Variants in MLLT3 observed in about 807,000 individuals in gnomAD.
The protein encoded by MLLT3 is MLLT3 super elongation complex subunit.
MLLT3 carries 4 observed loss-of-function variants against 53.2 expected under a neutral mutation model. The ratio of observed to expected loss-of-function variants is 0.08; its 90% CI spans 0.04 to 0.17. The LOEUF (loss-of-function observed/expected upper bound fraction) is 0.17, where lower values mean the gene tolerates loss of function less well. MLLT3 is among the 10% of genes least tolerant of loss of function. The pLI, the probability that MLLT3 is intolerant of heterozygous loss-of-function variation, is 1.00. For missense variants in MLLT3, 569 were observed against 684.0 expected (o/e 0.83, Z 1.87); for synonymous variants, 283 against 230.6 (o/e 1.23, Z -2.06).
At chr9:20,527,257 G>A (rs1174016351) in intron 2 of MLLT3, among the ~76,000 whole-genome samples, 3 of 152,054 alleles carry the variant, frequency 2.0e-5, no homozygotes, top group East Asian at 1.9e-4. Context: ...ACATTTATCA[G>A]GTAGAACAAT....
At chr9:20,375,810 G>C (rs1322274400) in intron 5 of MLLT3, among the ~76,000 whole-genome samples, 1 of 151,598 alleles carries the variant, frequency 6.6e-6, no homozygotes, top group Non-Finnish European at 1.5e-5. Context: ...GGGTTTCACA[G>C]TGTTAGCCAG....
intron 5 of MLLT3, among the ~76,000 whole-genome samples, chr9:20,405,771 T>A (rs1222773266): frequency 1.3e-5 from 2 of 152,176 alleles, no homozygotes; most frequent in Admixed American, 1.3e-4. Context: ...TTTACACAAT[T>A]TGTCATCAAT....
chr9:20,608,482 A>G (rs1339671384), intron 2 of MLLT3, among the ~76,000 whole-genome samples: 1 of 151,984 alleles, frequency 6.6e-6, no homozygotes, highest in African/African-American at 2.4e-5. Flanking sequence ...CTATATGAAT[A>G]CACATTTATA....
chr9:20,503,666 C>A (rs1291705806), intron 2 of MLLT3, among the ~76,000 whole-genome samples: 3 of 151,974 alleles, frequency 2.0e-5, no homozygotes, highest in Non-Finnish European at 4.4e-5. Context: ...CCCAAAAGCA[C>A]AGGCAACCAA....
At chr9:20,563,997 C>T (rs926524712) in intron 2 of MLLT3, among the ~76,000 whole-genome samples, 5 of 152,182 alleles carry the variant, frequency 3.3e-5, no homozygotes, top group African/African-American at 1.2e-4. Flanking sequence ...ATCTCCAGCA[C>T]AGCATTTTTA....
At chr9:20,579,807 C>G (rs1357843526) in intron 2 of MLLT3, among the ~76,000 whole-genome samples, 1 of 152,102 alleles carries the variant, frequency 6.6e-6, no homozygotes, top group African/African-American at 2.4e-5. Context: ...AAGGTGAGGC[C>G]TCCAGCCTGG....
intron 2 of MLLT3, among the ~76,000 whole-genome samples, chr9:20,518,072 G>A (rs1054036157): frequency 6.6e-6 from 1 of 152,202 alleles, no homozygotes; most frequent in Admixed American, 6.5e-5. Context: ...GAGCGCTGTG[G>A]CTCACGCCTA....
intron 10 of MLLT3, among the ~76,000 whole-genome samples, chr9:20,347,418 A>C (rs1820905103): frequency 6.6e-6 from 1 of 152,170 alleles, no homozygotes; most frequent in African/African-American, 2.4e-5. Context: ...TGTCATTTGG[A>C]ATAGTTATAC....
chr9:20,400,175 C>A (rs1272009232), intron 5 of MLLT3, among the ~76,000 whole-genome samples: 1 of 152,074 alleles, frequency 6.6e-6, no homozygotes, highest in Non-Finnish European at 1.5e-5. Flanking sequence ...GACCATGATT[C>A]TAACTTTGAC....
chr9:20,602,227 A>G (rs1337167285), intron 2 of MLLT3, among the ~76,000 whole-genome samples: 1 of 152,144 alleles, frequency 6.6e-6, no homozygotes, highest in Admixed American at 6.6e-5. Context: ...AAAAATTAAG[A>G]ATTACTTTGC....
intron 3 of MLLT3, among the ~76,000 whole-genome samples, chr9:20,455,218 A>T (rs779106740): frequency 5.3e-5 from 8 of 152,252 alleles, no homozygotes; most frequent in Non-Finnish European, 1.0e-4. Context: ...ACCACTAAGA[A>T]AGATAATCAT....
At position 20,388,279 on chromosome 9, in the gene MLLT3, T is replaced by G. The variant is rs577084754; in HGVS notation, c.1126-22535A>C. 3.3e-5 allele frequency among the ~76,000 whole-genome samples: 5 copies of G among 152,312 alleles called. No homozygotes were observed. The East Asian group carries it at 9.6e-4, about 29-fold the overall frequency. On this transcript the variant is annotated intron_variant, in intron 5 of 10. Transcript: ENST00000380338. ...TGAAGATGACAGTAGAATTTGTCCT[T>G]TTTTGTTTATAAAGAAAGCTATTCT...
At chr9:20,577,873 C>G (rs1274682324) in intron 2 of MLLT3, among the ~76,000 whole-genome samples, 1 of 152,206 alleles carries the variant, frequency 6.6e-6, no homozygotes, top group Non-Finnish European at 1.5e-5. Context: ...TTACAGCAGA[C>G]ATAGCAGTTT....
intron 2 of MLLT3, among the ~76,000 whole-genome samples, chr9:20,603,697 A>G (rs1820493918): frequency 6.6e-6 from 1 of 152,058 alleles, no homozygotes; most frequent in Admixed American, 6.6e-5. Context: ...GATGGCTGGA[A>G]AGTCCGTTAG....
chr9:20,346,925 T>G (rs1192881142), intron 10 of MLLT3, among the ~76,000 whole-genome samples: 1 of 151,998 alleles, frequency 6.6e-6, no homozygotes, highest in Non-Finnish European at 1.5e-5. Context: ...AGACAGTGAT[T>G]ATACTTAATA....
At chr9:20,479,085 C>A (rs969007536) in intron 2 of MLLT3, among the ~76,000 whole-genome samples, 8 of 152,152 alleles carry the variant, frequency 5.3e-5, no homozygotes, top group Non-Finnish European at 1.2e-4. Flanking sequence ...ATGTGATTCC[C>A]AACATGATGA....
chr9:20,536,221 G>T (rs1554636216), intron 2 of MLLT3, among the ~76,000 whole-genome samples: 2 of 150,882 alleles, frequency 1.3e-5, no homozygotes, highest in Non-Finnish European at 3.0e-5. Context: ...CTGGACAGCA[G>T]GGAATAAATG....
intron 2 of MLLT3, among the ~76,000 whole-genome samples, chr9:20,514,393 C>T (rs1817845594): frequency 1.3e-5 from 2 of 152,194 alleles, no homozygotes; most frequent in East Asian, 3.9e-4. Flanking sequence ...AAGTGACTGC[C>T]CACTCGAGCT....
At chr9:20,461,390 G>C (rs1824104776) in intron 2 of MLLT3, among the ~76,000 whole-genome samples, 1 of 152,004 alleles carries the variant, frequency 6.6e-6, no homozygotes, top group Non-Finnish European at 1.5e-5. Flanking sequence ...AAAATGATCT[G>C]GCAAATTTGC....
Sources: gnomAD v4.1 joint callset for allele counts (sites outside exome capture counted in the v4.1 genomes callset) on GRCh38, gnomAD v4.1.1 for gene constraint, MANE v1.5 for transcripts, NCBI Gene and HGNC (gene_info 2026-07-23, HGNC 2026-07-21) for gene names.